Variants in NCOA1 observed in about 807,000 individuals in gnomAD.
The protein encoded by NCOA1 is Hin-2 protein.
A neutral mutation model predicts 150.9 loss-of-function variants in NCOA1; 35 were observed. The ratio of observed to expected loss-of-function variants is 0.23; its 90% CI spans 0.18 to 0.31. The LOEUF is 0.31. Ranked by LOEUF, NCOA1 falls within the 10% of genes least tolerant of loss-of-function variation. The pLI, the probability that NCOA1 is intolerant of heterozygous loss-of-function variation, is 1.00. For synonymous variants in NCOA1, 590 were observed against 630.0 expected (o/e 0.94, Z 0.95); for missense variants, 1,491 against 1,749.3 (o/e 0.85, Z 2.63).
At chr2:24,574,440 G>A (rs932135434) in intron 2 of NCOA1, among the ~76,000 whole-genome samples, 1 of 151,908 alleles carries the variant, frequency 6.6e-6, no homozygotes, top group South Asian at 2.1e-4. Flanking sequence ...CTTTTTTAAT[G>A]GTTCAGTGCA....
intron 3 of NCOA1, among the ~76,000 whole-genome samples, chr2:24,605,024 G>T (rs1366194718): frequency 6.6e-6 from 1 of 152,184 alleles, no homozygotes; most frequent in Non-Finnish European, 1.5e-5. Flanking sequence ...GAGATGGCTG[G>T]TTTGGTGGAA....
intron 1 of NCOA1, among the ~76,000 whole-genome samples, chr2:24,540,768 C>G (rs1337408781): frequency 6.6e-6 from 1 of 152,010 alleles, no homozygotes; most frequent in Non-Finnish European, 1.5e-5. Context: ...CAGAACTGGC[C>G]CTTTTTGATG....
intron 3 of NCOA1, among the ~76,000 whole-genome samples, chr2:24,618,276 A>T (rs1269089897): frequency 6.6e-6 from 1 of 152,160 alleles, no homozygotes; most frequent in Non-Finnish European, 1.5e-5. Context: ...ACTACTCATT[A>T]TATCTGGATA....
intron 1 of NCOA1, among the ~76,000 whole-genome samples, chr2:24,555,120 C>T (rs917387552): frequency 2.0e-5 from 3 of 151,896 alleles, no homozygotes; most frequent in African/African-American, 7.3e-5. Flanking sequence ...AGGGGACTTC[C>T]GAGAGGAAAA....
intron 2 of NCOA1, among the ~76,000 whole-genome samples, chr2:24,567,152 A>G (rs1026004797): frequency 6.6e-6 from 1 of 152,240 alleles, no homozygotes; most frequent in African/African-American, 2.4e-5. Context: ...GTAATTGAGC[A>G]ATTTTTGCTG....
chr2:24,695,605 T>C (rs1415194782), intron 10 of NCOA1, among the ~76,000 whole-genome samples: 1 of 152,210 alleles, frequency 6.6e-6, no homozygotes, highest in Non-Finnish European at 1.5e-5. Flanking sequence ...ATTTAATTTC[T>C]TAAGTTTTTG....
intron 2 of NCOA1, among the ~76,000 whole-genome samples, chr2:24,576,165 T>TTTTTTTG (rs1666965700): frequency 2.3e-5 from 2 of 88,716 alleles, no homozygotes; most frequent in Non-Finnish European, 4.5e-5. Flanking sequence ...TTTTTTTTGT[T>TTTTTTTG]TTTTGTTTTT....
intron 11 of NCOA1, 122 bp downstream of exon 11, chr2:24,697,920 T>C: frequency 2.7e-6 from 3 of 1,130,418 alleles, no homozygotes; most frequent in Non-Finnish European, 3.6e-6. Flanking sequence ...CAATAATCAG[T>C]TTTAGGAAAG....
At chr2:24,570,299 G>A (rs913135503) in intron 2 of NCOA1, among the ~76,000 whole-genome samples, 3 of 152,148 alleles carry the variant, frequency 2.0e-5, no homozygotes, top group Admixed American at 6.5e-5. Context: ...ACATCTTGCA[G>A]TGAAGTTATC....
In NCOA1 at chr2:24,637,765, G is replaced by A. The variant is rs547466552; in HGVS notation, c.-174-6201G>A. ...GGCTGGAGTGCAATGGCATGATTTCGGCTCACCGCAACCTCCGCCTTCTAG... is the reference window on the plus strand; with the variant it reads ...GGCTGGAGTGCAATGGCATGATTTCAGCTCACCGCAACCTCCGCCTTCTAG... On this transcript the variant is annotated intron_variant, in intron 3 of 22. Transcript: ENST00000348332. Among the ~76,000 whole-genome samples, 118 of 152,022 alleles carry A rather than the reference G, an allele frequency of 7.8e-4. 1 individual carries two copies. The highest frequency in any genetic ancestry group is 5.8e-3 in the South Asian group (28 of 4,820).
intron 3 of NCOA1, among the ~76,000 whole-genome samples, chr2:24,634,370 T>G (rs992923515): frequency 6.6e-6 from 1 of 152,220 alleles, no homozygotes; most frequent in African/African-American, 2.4e-5. Context: ...CTTTATATCT[T>G]TAAATTCTGG....
chr2:24,602,680 C>T (rs927484046), intron 3 of NCOA1, among the ~76,000 whole-genome samples: 6 of 151,560 alleles, frequency 4.0e-5, no homozygotes, highest in Admixed American at 6.6e-5. Flanking sequence ...TTAAATAAAA[C>T]GTTTTAAATA....
At chr2:24,753,417 G>C (rs548636516) in intron 20 of NCOA1, among the ~76,000 whole-genome samples, 55 of 150,228 alleles carry the variant, frequency 3.7e-4, no homozygotes, top group South Asian at 8.4e-4. Flanking sequence ...CTATTTCTCT[G>C]CTCCCCTTTA....
chr2:24,732,569 A>T (rs1224351957), intron 17 of NCOA1, among the ~76,000 whole-genome samples: 1 of 152,206 alleles, frequency 6.6e-6, no homozygotes, highest in Non-Finnish European at 1.5e-5. Context: ...AGGTCTGGCC[A>T]AGGTTCTCAG....
intron 11 of NCOA1, among the ~76,000 whole-genome samples, chr2:24,702,952 G>A (rs1673233192): frequency 6.6e-6 from 1 of 152,200 alleles, no homozygotes; most frequent in Non-Finnish European, 1.5e-5. Context: ...ATTCAGAGTT[G>A]AAGCTGTTGC....
intron 1 of NCOA1, among the ~76,000 whole-genome samples, chr2:24,534,467 T>G (rs1572391858): frequency 1.3e-5 from 2 of 152,208 alleles, no homozygotes; most frequent in Middle Eastern, 3.4e-3. Context: ...TGCTCTGATC[T>G]TAGTTATTTC....
intron 1 of NCOA1, among the ~76,000 whole-genome samples, chr2:24,523,724 G>A (rs1286433036): frequency 6.0e-5 from 9 of 148,902 alleles, no homozygotes; most frequent in Admixed American, 2.7e-4. Flanking sequence ...TCAAGAGATC[G>A]AGACCATCCT....
At chr2:24,735,841 T>C (rs1663271657) in intron 17 of NCOA1, among the ~76,000 whole-genome samples, 1 of 152,086 alleles carries the variant, frequency 6.6e-6, no homozygotes, top group Non-Finnish European at 1.5e-5. Context: ...CCAAGAAATA[T>C]ATCCGTAATA....
intron 19 of NCOA1, among the ~76,000 whole-genome samples, chr2:24,747,715 C>G (rs964982859): frequency 6.6e-6 from 1 of 151,782 alleles, no homozygotes; most frequent in Non-Finnish European, 1.5e-5. Flanking sequence ...GGATCACAAC[C>G]AAAATAGTTT....
Sources: gnomAD v4.1 joint callset for allele counts (sites outside exome capture counted in the v4.1 genomes callset) on GRCh38, gnomAD v4.1.1 for gene constraint, MANE v1.5 for transcripts, NCBI Gene and HGNC (gene_info 2026-07-23, HGNC 2026-07-21) for gene names.